CYSTM1: variants seen among roughly 807,000 people sequenced by gnomAD.
CYSTM1 encodes cysteine-rich transmembrane module-containing protein 1.
A neutral mutation model predicts 13.1 loss-of-function variants in CYSTM1; 4 were observed. That is an observed-to-expected ratio of 0.31 (90% CI 0.15 to 0.70). CYSTM1 has a LOEUF of 0.70. CYSTM1 is among the 30% of genes least tolerant of loss of function. The probability of loss-of-function intolerance (pLI) is 0.72; values close to 1 mark genes in which losing one functional copy is unlikely to be tolerated. For missense variants in CYSTM1, 96 were observed against 121.6 expected, an observed-to-expected ratio of 0.79 and a Z score of 0.99; for synonymous variants, 36 against 42.7, an observed-to-expected ratio of 0.84 and a Z score of 0.62.
intron 1 of CYSTM1, among the ~76,000 whole-genome samples, chr5:140,186,308 C>T (rs888820939): frequency 4.6e-5 from 7 of 152,174 alleles, no homozygotes; most frequent in Non-Finnish European, 1.0e-4. Flanking sequence ...ATGCAGCAAA[C>T]CTAGAAGTCT....
At chr5:140,222,157 T>A (rs1764499468) in intron 2 of CYSTM1, among the ~76,000 whole-genome samples, 1 of 152,274 alleles carries the variant, frequency 6.6e-6, no homozygotes, top group Non-Finnish European at 1.5e-5. Context: ...ATGAGCCTGC[T>A]GATGACTAAG....
chr5:140,201,172 T>C (rs2126659915), intron 2 of CYSTM1: 1 of 152,356 alleles, frequency 6.6e-6, no homozygotes, highest in East Asian at 1.9e-4. Flanking sequence ...ATAGACTCCA[T>C]CCTGGAGGAA....
Position 140,194,736 on chromosome 5 carries a change from C to A in CYSTM1, c.187+84C>A, listed in dbSNP as rs1050437724. On this transcript the variant is annotated intron_variant, in intron 2 of 2. Coordinates refer to ENST00000261811, the MANE Select transcript of CYSTM1 (RefSeq NM_032412.4). Reference sequence around the variant, plus strand: ...TGTTTTCTTTGGCAGAGAAGAAATTCTTTCCAGCCTTTGCAACTTGTGCTT... The same window carrying A: ...TGTTTTCTTTGGCAGAGAAGAAATTATTTCCAGCCTTTGCAACTTGTGCTT... 3.4e-6 allele frequency: 5 copies of A among 1,475,716 alleles called. No individual in the cohort carries two copies. The African/African-American group carries it at 5.7e-5, about 17-fold the overall frequency. The allele number at this position is 1,475,716 out of a possible 1,614,324, so 91.4% of individuals were successfully genotyped here. A position where few individuals can be genotyped will look rare whatever the true frequency, so the allele number is the denominator to read the frequency against.
chr5:140,192,310 G>T (rs1182020366), intron 1 of CYSTM1, among the ~76,000 whole-genome samples: 1 of 152,132 alleles, frequency 6.6e-6, no homozygotes, highest in Admixed American at 6.5e-5. Flanking sequence ...AGGGTTTGAG[G>T]CATATTGATC....
intron 1 of CYSTM1, among the ~76,000 whole-genome samples, chr5:140,189,662 A>T (rs1010689937): frequency 3.3e-5 from 5 of 152,152 alleles, no homozygotes; most frequent in Non-Finnish European, 7.3e-5. Flanking sequence ...CTACTGTGAA[A>T]ATATATAATA....
intron 2 of CYSTM1, chr5:140,228,932 G>A (rs1764590667): frequency 2.5e-6 from 1 of 397,254 alleles, no homozygotes; most frequent in Non-Finnish European, 4.4e-6. Flanking sequence ...TTCTTTCTTT[G>A]ACAATAACTC....
chr5:140,211,198 C>G (rs573376527), intron 2 of CYSTM1, among the ~76,000 whole-genome samples: 9 of 152,160 alleles, frequency 5.9e-5, no homozygotes, highest in Non-Finnish European at 1.0e-4. Context: ...TCATCTAGTC[C>G]TAAGAACAAT....
intron 2 of CYSTM1, among the ~76,000 whole-genome samples, chr5:140,226,505 A>T (rs10073040): frequency 0.032 from 2,535 of 80,322 alleles, 86 homozygotes; most frequent in African/African-American, 0.083. Flanking sequence ...AATATATATA[A>T]ATATATATTA....
chr5:140,206,079 C>T (rs989343905), intron 2 of CYSTM1, among the ~76,000 whole-genome samples: 40 of 152,156 alleles, frequency 2.6e-4, no homozygotes, highest in African/African-American at 9.2e-4. Flanking sequence ...CCCTCTGCTC[C>T]ACCTTCCCTC....
chr5:140,233,951 G>A (rs1420242655), intron 2 of CYSTM1, among the ~76,000 whole-genome samples: 1 of 152,158 alleles, frequency 6.6e-6, no homozygotes, highest in East Asian at 1.9e-4. Flanking sequence ...CTTCCATGGA[G>A]CAAAAGTTTT....
intron 2 of CYSTM1, among the ~76,000 whole-genome samples, chr5:140,222,375 A>G (rs1410622190): frequency 9.9e-5 from 15 of 152,244 alleles, no homozygotes; most frequent in Admixed American, 9.8e-4. Flanking sequence ...CATACCAGCT[A>G]AGGACACACT....
intron 1 of CYSTM1, among the ~76,000 whole-genome samples, chr5:140,189,322 C>A (rs914785870): frequency 6.6e-6 from 1 of 151,086 alleles, no homozygotes; most frequent in Non-Finnish European, 1.5e-5. Flanking sequence ...GATCTCCCCC[C>A]ACTCTCTTGC....
rs1422929579 is a variant in CYSTM1 at position 140,243,619 on chromosome 5, T to C, written c.*208T>C. ...TTTAATGTCCAAAATCCATTTCTTA[T>C]TGATCTTTAAAGATGTGCTAAATGA... On this transcript the variant is annotated 3_prime_UTR_variant, in exon 3 of 3. Coordinates refer to ENST00000261811, the MANE Select transcript of CYSTM1 (RefSeq NM_032412.4). 2 of 464,346 alleles carry C rather than the reference T, an allele frequency of 4.3e-6. No homozygotes were observed. The highest frequency in any genetic ancestry group is 7.6e-6 in the Non-Finnish European group (2 of 262,858). The allele number at this position is 464,346 out of a possible 1,614,324, so 28.8% of individuals were successfully genotyped here. A position where few individuals can be genotyped will look rare whatever the true frequency, so the allele number is the denominator to read the frequency against.
At chr5:140,241,319 TGAG>T (rs1262040761) in intron 2 of CYSTM1, among the ~76,000 whole-genome samples, 2 of 152,164 alleles carry the variant, frequency 1.3e-5, no homozygotes, top group Non-Finnish European at 2.9e-5. Flanking sequence ...GGGGAAGCAG[TGAG>T]GAGACTGACT....
chr5:140,222,302 A>G (rs1764501213), intron 2 of CYSTM1, among the ~76,000 whole-genome samples: 1 of 152,238 alleles, frequency 6.6e-6, no homozygotes, highest in African/African-American at 2.4e-5. Flanking sequence ...TTGGAATTAC[A>G]TATGTGTAAC....
intron 2 of CYSTM1, among the ~76,000 whole-genome samples, chr5:140,213,746 C>A (rs529504910): frequency 2.6e-5 from 4 of 152,146 alleles, no homozygotes; most frequent in Non-Finnish European, 4.4e-5. Context: ...ACATGCTGTA[C>A]GCATTTGTAG....
intron 2 of CYSTM1, among the ~76,000 whole-genome samples, chr5:140,199,384 T>A (rs866739219): frequency 6.6e-6 from 1 of 152,248 alleles, no homozygotes; most frequent in Non-Finnish European, 1.5e-5. Context: ...ATTACCACAC[T>A]GTCTTCCACA....
At chr5:140,184,408 G>A (rs549984139) in intron 1 of CYSTM1, among the ~76,000 whole-genome samples, 8 of 149,218 alleles carry the variant, frequency 5.4e-5, no homozygotes, top group Non-Finnish European at 3.0e-5. Context: ...TTGGCATACC[G>A]GCTGGCACTA....
chr5:140,212,983 G>GTGTATATATATATATATATACATATATA (rs1405430820), intron 2 of CYSTM1, among the ~76,000 whole-genome samples: 1 of 114,294 alleles, frequency 8.7e-6, no homozygotes, highest in Non-Finnish European at 1.8e-5. Flanking sequence ...CAAAACAAAA[G>GTGTATATATATATATATATACATATATA]TATATATATA....
Sources: allele counts gnomAD v4.1 joint callset (sites outside exome capture counted in the v4.1 genomes callset), GRCh38; gene constraint gnomAD v4.1.1; transcripts MANE v1.5; gene names NCBI Gene and HGNC (gene_info 2026-07-23, HGNC 2026-07-21).